Variants in UBE2D3 observed in about 807,000 individuals in gnomAD.
UBE2D3 encodes ubiquitin-conjugating enzyme E2 D3.
UBE2D3 carries 2 observed loss-of-function variants against 22.8 expected under a neutral mutation model. The ratio of observed to expected loss-of-function variants is 0.09; its 90% CI spans 0.04 to 0.28. UBE2D3 has a LOEUF of 0.28. Among genes scored for constraint, UBE2D3 ranks in the 10% least tolerant of loss-of-function variants. UBE2D3 has a pLI of 1.00. For missense variants in UBE2D3, 27 were observed against 182.5 expected, an observed-to-expected ratio of 0.15 and a Z score of 4.91; for synonymous variants, 56 against 60.4, an observed-to-expected ratio of 0.93 and a Z score of 0.34.
At chr4:102,821,225 G>C (rs1255487633) in intron 2 of UBE2D3, among the ~76,000 whole-genome samples, 1 of 151,892 alleles carries the variant, frequency 6.6e-6, no homozygotes, top group East Asian at 1.9e-4. Context: ...GTTTTGGCAA[G>C]GGGAATTAAG....
intron 4 of UBE2D3, among the ~76,000 whole-genome samples, chr4:102,807,805 T>C (rs1418021632): frequency 1.3e-5 from 2 of 152,222 alleles, no homozygotes; most frequent in Non-Finnish European, 2.9e-5. Context: ...TCATCATTCA[T>C]GTTTCCTTTT....
At chr4:102,813,149 T>C (rs72939696) in intron 2 of UBE2D3, among the ~76,000 whole-genome samples, 2,769 of 152,288 alleles carry the variant, frequency 0.018, 79 homozygotes, top group African/African-American at 0.061. Context: ...TAAAGTTGTT[T>C]AGTTAAAAGT....
intron 2 of UBE2D3, 53 bp from the exon 3 acceptor site, chr4:102,809,908 A>C: frequency 6.6e-7 from 1 of 1,521,102 alleles, no homozygotes; most frequent in Non-Finnish European, 8.9e-7. Flanking sequence ...TAAGAAAACA[A>C]GCAAATGAGT....
intron 1 of UBE2D3, among the ~76,000 whole-genome samples, chr4:102,861,781 A>G (rs1037737208): frequency 1.3e-5 from 2 of 152,076 alleles, no homozygotes; most frequent in East Asian, 1.9e-4. Context: ...TGTATATCAT[A>G]TATGTGCTTT....
chr4:102,813,670 TG>T (rs1267561271), intron 2 of UBE2D3, among the ~76,000 whole-genome samples: 2 of 152,222 alleles, frequency 1.3e-5, no homozygotes, highest in African/African-American at 4.8e-5. Flanking sequence ...AGAGCACTCC[TG>T]GAACAGAAGG....
chr4:102,821,617 TTA>T (rs1491139137), intron 2 of UBE2D3, among the ~76,000 whole-genome samples: 34 of 146,818 alleles, frequency 2.3e-4, no homozygotes, highest in South Asian at 1.3e-3. Context: ...ATTTTTTTTT[TTA>T]AATTCTAAAC....
chr4:102,827,085 A>C, intron 1 of UBE2D3: 4 of 988,586 alleles, frequency 4.0e-6, no homozygotes, highest in Non-Finnish European at 4.8e-6. Flanking sequence ...AGGAAGGGAG[A>C]CTTGATGTGT....
At chr4:102,803,288 TA>T (rs1356573554) in intron 4 of UBE2D3, among the ~76,000 whole-genome samples, 1 of 152,224 alleles carries the variant, frequency 6.6e-6, no homozygotes, top group Non-Finnish European at 1.5e-5. Context: ...GATACTGACC[TA>T]CTCAGGAATT....
intron 4 of UBE2D3, 164 bp downstream of exon 4, chr4:102,809,508 G>C (rs1447068873): frequency 9.4e-6 from 7 of 744,996 alleles, no homozygotes; most frequent in Non-Finnish European, 1.5e-5. Flanking sequence ...CGTAACAAAT[G>C]ACTAACTCAT....
chr4:102,827,795 G>A (rs1431831884), upstream of UBE2D3: 1 of 986,150 alleles, frequency 1.0e-6, no homozygotes. Flanking sequence ...AGGATCATGA[G>A]CTGGGGGGAG....
intron 4 of UBE2D3, among the ~76,000 whole-genome samples, chr4:102,806,727 TA>T (rs572396376): frequency 2.2e-4 from 34 of 151,308 alleles, no homozygotes; most frequent in African/African-American, 6.8e-4. Context: ...GGATTTCCAA[TA>T]AAAAAAAATT....
intron 1 of UBE2D3, among the ~76,000 whole-genome samples, chr4:102,843,133 T>C (rs1731852961): frequency 6.6e-6 from 1 of 151,964 alleles, no homozygotes; most frequent in African/African-American, 2.4e-5. Flanking sequence ...TTGAGTGGGG[T>C]AGGGCCCAGA....
At chr4:102,860,836 T>C (rs1309440626) in intron 1 of UBE2D3, among the ~76,000 whole-genome samples, 1 of 151,802 alleles carries the variant, frequency 6.6e-6, no homozygotes, top group Non-Finnish European at 1.5e-5. Context: ...AGTGGGTGGG[T>C]GCATGGAGTG....
In UBE2D3 at chr4:102,802,554, T is replaced by C; in HGVS notation, c.198+7A>G. ...TATACTAACAGATTTTGAGGGAAAA[T>C]ACTTGCCTTAGGTGGTTTGAAGGGG... On this transcript the variant is annotated splice_region_variant and intron_variant, in intron 5 of 7. Coordinates refer to ENST00000453744, the MANE Select transcript of UBE2D3 (RefSeq NM_181891.3). 6.3e-7 allele frequency: 1 copy of C among 1,597,388 alleles called. No homozygotes were observed. The highest frequency in any genetic ancestry group is 8.5e-7 in the Non-Finnish European group (1 of 1,171,690).
rs1725295936 is a variant in UBE2D3 at position 102,796,630 on chromosome 4, C to T, written c.*785G>A. The T allele has an allele frequency of 6.6e-6, 1 of 152,538 alleles. No homozygotes were observed. Among genetic ancestry groups the T allele is most frequent in the Non-Finnish European group, 1.5e-5 (1 of 67,896 alleles). The allele number at this position is 152,538 out of a possible 1,614,324, so 9.4% of individuals were successfully genotyped here. On this transcript the variant is annotated 3_prime_UTR_variant, in exon 8 of 8. Transcript: ENST00000453744. ...TTATTGAAGAAAAATAAATCAATTA[C>T]TAGCAGAGCTATTAGTTGATCACTC...
At chr4:102,836,947 T>C (rs1731441997) in intron 1 of UBE2D3, 2 of 152,352 alleles carry the variant, frequency 1.3e-5, no homozygotes, top group Admixed American at 1.3e-4. Context: ...AGGTAACATA[T>C]ACCTGGAGGA....
At chr4:102,821,490 T>A (rs1267925567) in intron 2 of UBE2D3, among the ~76,000 whole-genome samples, 1 of 152,138 alleles carries the variant, frequency 6.6e-6, no homozygotes, top group South Asian at 2.1e-4. Flanking sequence ...GGACCTTTAC[T>A]CCCTTGTATC....
intron 1 of UBE2D3, among the ~76,000 whole-genome samples, chr4:102,855,774 C>T (rs1333837177): frequency 6.6e-6 from 1 of 152,134 alleles, no homozygotes; most frequent in Non-Finnish European, 1.5e-5. Context: ...ACTAAGGATT[C>T]ATCAGTCAAC....
chr4:102,835,781 T>TAC (rs1179918705), intron 1 of UBE2D3, among the ~76,000 whole-genome samples: 3 of 151,994 alleles, frequency 2.0e-5, no homozygotes, highest in Non-Finnish European at 4.4e-5. Flanking sequence ...AGCTAACATA[T>TAC]ATATATACCC....
Sources: allele counts gnomAD v4.1 joint callset (sites outside exome capture counted in the v4.1 genomes callset), GRCh38; gene constraint gnomAD v4.1.1; transcripts MANE v1.5; gene names NCBI Gene and HGNC (gene_info 2026-07-23, HGNC 2026-07-21).